COL6A3: variants seen among roughly 807,000 people sequenced by gnomAD.
COL6A3 encodes collagen alpha-3(VI) chain.
A neutral mutation model predicts 274.1 loss-of-function variants in COL6A3; 137 were observed. That is an observed-to-expected ratio of 0.50 (90% CI 0.44 to 0.58). The LOEUF (loss-of-function observed/expected upper bound fraction) is 0.58. Among genes scored for constraint, COL6A3 ranks in the 20% least tolerant of loss-of-function variants. The pLI is 0.00. For missense variants in COL6A3, 3,950 were observed against 4,124.9 expected, an observed-to-expected ratio of 0.96 and a Z score of 1.16; for synonymous variants, 1,650 against 1,650.6, an observed-to-expected ratio of 1.00 and a Z score of 0.01.
At position 237,366,782 on chromosome 2, in the gene COL6A3, A is replaced by T; in HGVS notation, c.5405T>A (p.Val1802Asp). 1 of 1,614,250 alleles carries T rather than the reference A, an allele frequency of 6.2e-7. No individual in the cohort carries two copies. ...NSATAFRVGN[V>D]QELSELSEQV... ...CTCGCTCAGTTCGGACAGCTCCTGG[A>T]CGTTGCCCACGCGGAACGCTGTGGC... is the stretch of plus-strand genomic sequence containing the variant. The change falls in exon 11 of 44, where the codon GTC becomes GAC. Residue 1802 changes from valine to aspartate, a missense_variant. Physicochemically the swap from Val to Asp is radical, Grantham distance 152. Around this residue, in one of 5 missense-constraint regions of COL6A3, gnomAD observed 632 missense variants for 623.4 expected, o/e 1.01. Coordinates refer to ENST00000295550, the MANE Select transcript of COL6A3 (RefSeq NM_004369.4).
chr2:237,367,117 T>C lies in COL6A3; in HGVS notation c.5070A>G (p.Glu1690=), dbSNP rs1377704128. ...TGGTAGAGAAGTCCTTCAGGAAGAA[T>C]TCGTCAGTGGGGTCAGAGTTGTACT... ...LVQYNSDPTD[E]FFLKDFSTKR... The change falls in exon 11 of 44, where the codon GAA becomes GAG. Residue 1690 remains glutamate, a synonymous_variant. Coordinates refer to ENST00000295550, the MANE Select transcript of COL6A3 (RefSeq NM_004369.4). The C allele has an allele frequency of 6.2e-7, 1 of 1,614,184 alleles. No homozygotes were observed.
intron 27 of COL6A3, 87 bp from the exon 28 acceptor site, chr2:237,350,296 G>T: frequency 8.0e-7 from 1 of 1,244,552 alleles, no homozygotes; most frequent in Non-Finnish European, 1.2e-6. Flanking sequence ...CTAGGTAAGG[G>T]TGCTGCAACA....
In COL6A3 at chr2:237,372,206, C is replaced by G. The variant is rs756571174; in HGVS notation, c.3811G>C (p.Val1271Leu). 6 of 1,614,020 alleles carry G rather than the reference C, an allele frequency of 3.7e-6. No homozygotes were observed. Among genetic ancestry groups the G allele is most frequent in the Non-Finnish European group, 4.2e-6 (5 of 1,180,042 alleles). ...TCATCGCTGAACTGGATGACAGCCA[C>G]CCGGGTGGTGTCAAAGCCCACGTCC... ...YLDVGFDTTR[V>L]AVIQFSDDPK... Residue 1271 changes from valine (V) to leucine (L), a missense_variant, in exon 9 of 44, where the codon GTG (valine) becomes CTG (leucine). By Grantham distance (32) the Val-to-Leu change is conservative. This residue lies in a region of COL6A3 where 1,934 missense variants were observed against 1,984.3 expected (regional missense o/e 0.97). Coordinates refer to ENST00000295550, the MANE Select transcript of COL6A3 (RefSeq NM_004369.4).
intron 38 of COL6A3, among the ~76,000 whole-genome samples, chr2:237,340,128 C>A (rs111410929): frequency 1.3e-5 from 2 of 152,094 alleles, no homozygotes; most frequent in Non-Finnish European, 2.9e-5. Context: ...TTATGTCATG[C>A]GTAATAAATG....
At chr2:237,347,891 G>A in intron 30 of COL6A3, 22 bp from the exon 31 acceptor site, 1 of 1,600,266 alleles carries the variant, frequency 6.2e-7, no homozygotes, top group Non-Finnish European at 8.5e-7. Flanking sequence ...GCCGAGAAGT[G>A]GCACAGTAAG....
At chr2:237,346,641 C>A (rs754132193) in intron 31 of COL6A3, 76 bp from the exon 32 acceptor site, 2 of 1,354,712 alleles carry the variant, frequency 1.5e-6, no homozygotes, top group Non-Finnish European at 2.1e-6. Context: ...TTGGAAGGTA[C>A]GGTAAAAGTG....
rs148175795 is a variant in COL6A3, at chr2:237,374,892, C to T, written c.3199G>A (p.Val1067Met). 7.6e-5 allele frequency: 123 copies of T among 1,613,918 alleles called. No homozygotes were observed. The African/African-American group carries it at 9.7e-4, about 13-fold the overall frequency. Reference sequence around the variant, plus strand: ...CGGTCGCTGTACTGCACCACGGCCACGCGGACCCGGTCCTGGCCCACATCC... The same window carrying T: ...CGGTCGCTGTACTGCACCACGGCCATGCGGACCCGGTCCTGGCCCACATCC... Reference protein sequence around the residue: ...SLDVGQDRVRVAVVQYSDRTR... With the variant: ...SLDVGQDRVRMAVVQYSDRTR... Residue 1067 changes from valine to methionine, a missense_variant, in exon 8 of 44, where the codon GTG (valine) becomes ATG (methionine). Coordinates refer to ENST00000295550, the MANE Select transcript of COL6A3 (RefSeq NM_004369.4). The surrounding 1 kb of genome is among the most constrained non-coding windows in gnomAD (Gnocchi z 4.8).
Position 237,380,537 on chromosome 2 carries a change from G to T in COL6A3, c.1897+378C>A, listed in dbSNP as rs76966758. ...GTTTAGAAGTAGATGGACAACTCAGGAAAGGAAAGCTACATCCTGGTGATG... is the reference window on the plus strand; with the variant it reads ...GTTTAGAAGTAGATGGACAACTCAGTAAAGGAAAGCTACATCCTGGTGATG... On this transcript the variant is annotated intron_variant, in intron 5 of 43. Coordinates refer to ENST00000295550, the MANE Select transcript of COL6A3 (RefSeq NM_004369.4). Among the ~76,000 whole-genome samples, 76 of 152,280 alleles carry T rather than the reference G, an allele frequency of 5.0e-4. No individual in the cohort carries two copies. The Middle Eastern group carries it at 0.017, about 34-fold the overall frequency.
intron 42 of COL6A3, among the ~76,000 whole-genome samples, chr2:237,330,427 A>G (rs1420523654): frequency 6.6e-6 from 1 of 152,214 alleles, no homozygotes; most frequent in Non-Finnish European, 1.5e-5. Flanking sequence ...GCTGGAGCAT[A>G]ATTCTTTTAG....
At position 237,347,822 on chromosome 2, in the gene COL6A3, G is replaced by A; in HGVS notation, c.7014C>T (p.Gly2338=). ...GCAAACTTACCCTTCGGCCTCTGAT[G>A]CCTTTGGGTCCTGTTGTTCCATTTA... The part of the protein sequence containing the change: ...PGLNGTTGPK[G]IRGRRGNSGP... Residue 2338 remains glycine (G), a synonymous_variant, in exon 31 of 44, where the codon GGC becomes GGT. Coordinates refer to ENST00000295550, the MANE Select transcript of COL6A3 (RefSeq NM_004369.4). 6.2e-7 allele frequency: 1 copy of A among 1,611,168 alleles called. No individual in the cohort carries two copies. Among genetic ancestry groups the A allele is most frequent in the Non-Finnish European group, 8.5e-7 (1 of 1,178,762 alleles).
Position 237,341,182 on chromosome 2 carries a change from G to GTGAC in COL6A3, c.7766-36_7766-33dup, listed in dbSNP as rs759414368. ...AGAAGCATGGCAGCCTATTTGTTCT[G>GTGAC]TGACACCCACAGCAGGATACACAGC... On this transcript the variant is annotated intron_variant, in intron 37 of 43. Transcript: ENST00000295550. 2.5e-6 allele frequency: 4 copies of GTGAC among 1,586,078 alleles called. No homozygotes were observed. In the South Asian group the frequency reaches 4.4e-5, roughly 18 times the overall value.
chr2:237,395,302 T>C, intron 2 of COL6A3, 98 bp from the exon 3 acceptor site: 2 of 1,265,142 alleles, frequency 1.6e-6, no homozygotes, highest in Non-Finnish European at 2.3e-6. Context: ...TACACTATAC[T>C]GCTACTAAAC....
chr2:237,409,676 C>T (rs572511743), intron 1 of COL6A3, among the ~76,000 whole-genome samples: 4 of 152,252 alleles, frequency 2.6e-5, no homozygotes, highest in South Asian at 2.1e-4. Context: ...CAAGACGAGA[C>T]ATTCATAATC....
rs949167958 is a variant in COL6A3, at chr2:237,378,720, G to A, written c.2413C>T (p.Leu805=). 1 of 1,613,886 alleles carries A rather than the reference G, an allele frequency of 6.2e-7. No individual in the cohort carries two copies. The highest frequency in any genetic ancestry group is 1.3e-5 in the African/African-American group (1 of 74,928). ...ATCAGCTGCTGAGGCAAAGCTGGCAGGGAGCTGAAATCATCCATGAGATAC... is the reference window on the plus strand; with the variant it reads ...ATCAGCTGCTGAGGCAAAGCTGGCAAGGAGCTGAAATCATCCATGAGATAC... ...LVYLMDDFSS[L]PALPQQLIQP... is the part of the protein sequence containing the mutation. Residue 805 remains leucine (L), a synonymous_variant, in exon 6 of 44, where the codon CTG becomes TTG. Transcript: ENST00000295550.
At chr2:237,337,038 A>T (rs961610875) in intron 39 of COL6A3, among the ~76,000 whole-genome samples, 4 of 152,076 alleles carry the variant, frequency 2.6e-5, no homozygotes, top group African/African-American at 9.7e-5. Flanking sequence ...TATTTCTCTT[A>T]ATTTTTGTGT....
intron 40 of COL6A3, among the ~76,000 whole-genome samples, chr2:237,335,610 C>T (rs1700498456): frequency 1.3e-5 from 2 of 152,156 alleles, no homozygotes; most frequent in South Asian, 4.1e-4. Context: ...AGTATTGCCA[C>T]AGCACACAGC....
chr2:237,374,500 G>C lies in COL6A3; in HGVS notation c.3591C>G (p.Val1197=). The change falls in exon 8 of 44, where the codon GTC becomes GTG. Residue 1197 remains valine (V), a synonymous_variant. Coordinates refer to ENST00000295550, the MANE Select transcript of COL6A3 (RefSeq NM_004369.4). This position sits in a 1 kb window ranked among gnomAD's most constrained non-coding sequence, Gnocchi z 4.8. ...AIPTFRQLGT[V]QQVISERVTQ... ...TCACCCTCTCAGAGATGACCTGTTG[G>C]ACGGTCCCCAGCTGGCGAAAGGTGG... The C allele has an allele frequency of 6.2e-7, 1 of 1,614,156 alleles. No individual in the cohort carries two copies. Among genetic ancestry groups the C allele is most frequent in the Non-Finnish European group, 8.5e-7 (1 of 1,180,026 alleles).
chr2:237,350,026 A>G, intron 28 of COL6A3, 121 bp downstream of exon 28: 2 of 955,088 alleles, frequency 2.1e-6, no homozygotes, highest in Non-Finnish European at 3.4e-6. Flanking sequence ...CAGTATTTCC[A>G]GCCGTATCCC....
chr2:237,346,414 T>G, intron 32 of COL6A3, 89 bp downstream of exon 32: 19 of 1,112,418 alleles, frequency 1.7e-5, no homozygotes, highest in Non-Finnish European at 2.3e-5. Context: ...CATTTTCTTG[T>G]GAGCAAAGCA....
Sources: allele counts gnomAD v4.1 joint callset (sites outside exome capture counted in the v4.1 genomes callset), GRCh38; gene constraint gnomAD v4.1.1; regional missense constraint gnomAD v4.1.1; non-coding constraint Gnocchi (gnomAD v3.1); transcripts MANE v1.5; gene names NCBI Gene and HGNC (gene_info 2026-07-23, HGNC 2026-07-21).